TLE1: variants seen among roughly 807,000 people sequenced by gnomAD.
TLE1 encodes the protein TLE family member 1, transcriptional corepressor.
In TLE1, 21 loss-of-function variants were observed where a neutral mutation model predicts 89.8. The ratio of observed to expected loss-of-function variants is 0.23; its 90% confidence interval spans 0.17 to 0.34. The LOEUF (loss-of-function observed/expected upper bound fraction) is 0.34, where lower values mean the gene tolerates loss of function less well. TLE1 is among the 10% of genes least tolerant of loss of function. The pLI, the probability that TLE1 is intolerant of heterozygous loss-of-function variation, is 1.00. For missense variants in TLE1, 795 were observed against 1,031.2 expected (o/e 0.77, Z 3.14); for synonymous variants, 447 against 407.6 (o/e 1.10, Z -1.16).
At chr9:81,587,856 G>C in intron 16 of TLE1, 28 bp from the exon 17 acceptor site, 1 of 1,573,898 alleles carries the variant, frequency 6.4e-7, no homozygotes, top group South Asian at 1.1e-5. Flanking sequence ...ATTGAATAAT[G>C]ATTTCCTGCC....
Position 81,593,237 on chromosome 9 carries a change from G to T in TLE1, c.1369C>A (p.Gln457Lys). The T allele has an allele frequency of 6.2e-7, 1 of 1,614,078 alleles. No individual in the cohort carries two copies. Among genetic ancestry groups the T allele is most frequent in the Non-Finnish European group, 8.5e-7 (1 of 1,179,934 alleles). Residue 457 changes from glutamine (Q) to lysine (K), a missense_variant, in exon 15 of 20, where the codon CAG becomes AAG. By Grantham distance (53) the Gln-to-Lys change is moderately conservative. Transcript: ENST00000376499. The stretch of plus-strand genomic sequence containing the variant: ...GCGTCGGGGGGAAAAGGGACAGGCT[G>T]CATCTGACCGTCTGCAGTAACGTGG... ...SFHVTADGQMQPVPFPPDALI... is the reference protein window; with the variant it reads ...SFHVTADGQMKPVPFPPDALI...
In TLE1 at chr9:81,585,229, G is replaced by A. The variant is rs774336788; in HGVS notation, c.2128+276C>T. Among the ~76,000 whole-genome samples, 6 of 152,030 alleles carry A rather than the reference G, an allele frequency of 3.9e-5. No homozygotes were observed. The East Asian group carries it at 1.2e-3, about 29-fold the overall frequency. ...AAATTCCCGCCCACCCCTCTTCAGA[G>A]TAGAAACTCATTGTCGTCTCCCAAC... On this transcript the variant is annotated intron_variant, in intron 18 of 19. Coordinates refer to ENST00000376499, the MANE Select transcript of TLE1 (RefSeq NM_005077.5).
At chr9:81,618,480 T>C (rs1824835280) in intron 9 of TLE1, among the ~76,000 whole-genome samples, 1 of 152,188 alleles carries the variant, frequency 6.6e-6, no homozygotes, top group Admixed American at 6.5e-5. Context: ...AGATATATTT[T>C]AGCCATGGTT....
intron 4 of TLE1, among the ~76,000 whole-genome samples, chr9:81,658,414 A>G (rs1340523545): frequency 6.6e-6 from 1 of 152,138 alleles, no homozygotes; most frequent in Non-Finnish European, 1.5e-5. Context: ...TATGTCCTGG[A>G]AATTCTACAT....
intron 14 of TLE1, among the ~76,000 whole-genome samples, chr9:81,596,289 G>A (rs555833764): frequency 3.9e-5 from 6 of 152,238 alleles, no homozygotes; most frequent in African/African-American, 7.2e-5. Flanking sequence ...ACACTCATCC[G>A]TCCCACGGGA....
intron 14 of TLE1, among the ~76,000 whole-genome samples, chr9:81,607,060 TAAAA>T (rs34328471): frequency 2.1e-5 from 3 of 139,662 alleles, no homozygotes; most frequent in African/African-American, 7.8e-5. Flanking sequence ...CCAGTGTCTC[TAAAA>T]AAAAAAAAAA....
Position 81,600,356 on chromosome 9 carries a change from T to C in TLE1, c.1332-7082A>G, listed in dbSNP as rs759789297. Among the ~76,000 whole-genome samples, 7 of 152,140 alleles carry C rather than the reference T, an allele frequency of 4.6e-5. No homozygotes were observed. In the South Asian group the frequency reaches 1.4e-3, roughly 31 times the overall value. ...AGAGAAGTAAAGTGAGGAATTATTA[T>C]AGCTAAACACAACTGACATCAAAAG... On this transcript the variant is annotated intron_variant, in intron 14 of 19. Coordinates refer to ENST00000376499, the MANE Select transcript of TLE1 (RefSeq NM_005077.5).
intron 14 of TLE1, among the ~76,000 whole-genome samples, chr9:81,605,637 T>A (rs894632930): frequency 3.3e-5 from 5 of 152,130 alleles, no homozygotes; most frequent in African/African-American, 1.2e-4. Flanking sequence ...ATTAAAGATT[T>A]AAATATTAGA....
intron 1 of TLE1, 102 bp downstream of exon 1, chr9:81,688,115 A>C (rs1445098756): frequency 1.4e-6 from 2 of 1,466,978 alleles, no homozygotes; most frequent in African/African-American, 1.4e-5. Context: ...GCTGAGGGCG[A>C]GAAGGTCCGC....
At chr9:81,613,862 C>T (rs1442688096) in intron 11 of TLE1, among the ~76,000 whole-genome samples, 2 of 151,238 alleles carry the variant, frequency 1.3e-5, no homozygotes, top group Non-Finnish European at 2.9e-5. Context: ...CACTCAGAAA[C>T]ACATGTCCTG....
rs1317623532 is a variant in TLE1 at position 81,642,793 on chromosome 9, T to C, written c.373-8492A>G. On this transcript the variant is annotated intron_variant, in intron 6 of 19. Transcript: ENST00000376499. The stretch of plus-strand genomic sequence containing the variant: ...CATCTGCAATCCATGACCACTGCAG[T>C]GCTATTCACGAGAGCCAAGATACCG... Among the ~76,000 whole-genome samples the C allele has an allele frequency of 3.9e-5, 6 of 152,128 alleles. No individual in the cohort carries two copies. In the South Asian group the frequency reaches 8.3e-4, roughly 21 times the overall value.
chr9:81,652,210 G>A lies in TLE1; in HGVS notation c.372+4C>T, dbSNP rs750824614. 51 of 1,613,264 alleles carry A rather than the reference G, an allele frequency of 3.2e-5. No homozygotes were observed. Among genetic ancestry groups the A allele is most frequent in the East Asian group, 1.8e-4 (8 of 44,856 alleles). On this transcript the variant is annotated splice_donor_region_variant and intron_variant, in intron 6 of 19. Coordinates refer to ENST00000376499, the MANE Select transcript of TLE1 (RefSeq NM_005077.5). ...GTAGGAGGTAGACCTGGTAGGCCAC[G>A]TACCCCGATGATGGCATTCAATTCT...
In TLE1 at chr9:81,584,441, T is replaced by C. The variant is rs1564096550; in HGVS notation, c.2205+7A>G. Reference sequence around the variant, plus strand: ...ACTGTGGATCTAGGTGAGGAGTACTTACTCACCTGGAATATGCTGGCTCCA... The same window carrying C: ...ACTGTGGATCTAGGTGAGGAGTACTCACTCACCTGGAATATGCTGGCTCCA... On this transcript the variant is annotated splice_region_variant and intron_variant, in intron 19 of 19. Coordinates refer to ENST00000376499, the MANE Select transcript of TLE1 (RefSeq NM_005077.5). The C allele has an allele frequency of 1.2e-6, 2 of 1,614,066 alleles. No individual in the cohort carries two copies. The highest frequency in any genetic ancestry group is 1.1e-5 in the South Asian group (1 of 91,058).
chr9:81,624,660 G>C (rs557752751), intron 8 of TLE1, among the ~76,000 whole-genome samples: 125 of 152,212 alleles, frequency 8.2e-4, no homozygotes, highest in African/African-American at 2.9e-3. Context: ...CTTGCAGCTG[G>C]TAAAATGTAA....
chr9:81,661,354 C>T, intron 4 of TLE1, among the ~76,000 whole-genome samples: 1 of 151,796 alleles, frequency 6.6e-6, no homozygotes, highest in Admixed American at 6.6e-5. Context: ...TCAGCGCCCG[C>T]ACACTTCCCC....
At chr9:81,681,933 C>T (rs1833682121) in intron 4 of TLE1, among the ~76,000 whole-genome samples, 1 of 152,076 alleles carries the variant, frequency 6.6e-6, no homozygotes, top group South Asian at 2.1e-4. Flanking sequence ...TTCCTGATGG[C>T]AGCATGAGGG....
chr9:81,593,234 G>A lies in TLE1; in HGVS notation c.1372C>T (p.Pro458Ser). The A allele has an allele frequency of 6.2e-7, 1 of 1,614,134 alleles. No homozygotes were observed. Among genetic ancestry groups the A allele is most frequent in the Non-Finnish European group, 8.5e-7 (1 of 1,179,990 alleles). ...FHVTADGQMQ[P>S]VPFPPDALIG... ...AGGGCGTCGGGGGGAAAAGGGACAG[G>A]CTGCATCTGACCGTCTGCAGTAACG... Residue 458 changes from proline to serine, a missense_variant, in exon 15 of 20, where the codon CCT (proline) becomes TCT (serine). Pro to Ser is a moderately conservative substitution (Grantham distance 74). This residue lies in a region of TLE1 where 468 missense variants were observed against 509.1 expected (regional missense o/e 0.92). Coordinates refer to ENST00000376499, the MANE Select transcript of TLE1 (RefSeq NM_005077.5).
chr9:81,584,463 T>C lies in TLE1; in HGVS notation c.2190A>G (p.Gly730=), dbSNP rs1205860239. ...ACTTACTCACCTGGAATATGCTGGC[T>C]CCATAGGGGGTCCGCCAAGCATTGA... The part of the protein sequence containing the change: ...NLLNAWRTPY[G]ASIFQSKESS... The change falls in exon 19 of 20, where the codon GGA becomes GGG. Residue 730 remains glycine, a synonymous_variant. Transcript: ENST00000376499. The C allele has an allele frequency of 3.1e-6, 5 of 1,614,124 alleles. No individual in the cohort carries two copies. Among genetic ancestry groups the C allele is most frequent in the Non-Finnish European group, 4.2e-6 (5 of 1,180,008 alleles).
At chr9:81,686,877 A>C (rs1429092632) in intron 2 of TLE1, among the ~76,000 whole-genome samples, 1 of 152,156 alleles carries the variant, frequency 6.6e-6, no homozygotes, top group East Asian at 1.9e-4. Flanking sequence ...ATGATGGGCA[A>C]TGTTATAAGC....
Sources: allele counts gnomAD v4.1 joint callset (sites outside exome capture counted in the v4.1 genomes callset), GRCh38; gene constraint gnomAD v4.1.1; regional missense constraint gnomAD v4.1.1; transcripts MANE v1.5; gene names NCBI Gene and HGNC (gene_info 2026-07-23, HGNC 2026-07-21).